MGST1: variants seen among roughly 807,000 people sequenced by gnomAD.
The protein encoded by MGST1 is glutathione S-transferase 12.
A neutral mutation model predicts 8.9 loss-of-function variants in MGST1; 5 were observed. The ratio of observed to expected loss-of-function variants is 0.56; its 90% CI spans 0.29 to 1.19. MGST1 has a LOEUF of 1.19. Ranked by LOEUF, MGST1 falls within the 50% of genes most tolerant of loss-of-function variation. The pLI, the probability that MGST1 is intolerant of heterozygous loss-of-function variation, is 0.08. For synonymous variants in MGST1, 54 were observed against 67.8 expected (o/e 0.80, Z 1.00); for missense variants, 182 against 187.4 (o/e 0.97, Z 0.17).
rs144494455 is a variant in MGST1 at position 16,384,988 on chromosome 12, C to A, written n.778+1384C>A. On this transcript the variant is annotated intron_variant and non_coding_transcript_variant, in intron 1 of 1. Transcript: ENST00000359720. ...GGAGTTGTAGAGTAACGGTAGAGGC[C>A]AAAGAAGGAACAGGAGTTAGGTGGG... Among the ~76,000 whole-genome samples, 247 of 152,214 alleles carry A rather than the reference C, an allele frequency of 1.6e-3. 1 individual carries two copies. Among genetic ancestry groups the A allele is most frequent in the Middle Eastern group, 3.4e-3 (1 of 294 alleles).
intron 3 of MGST1, among the ~76,000 whole-genome samples, chr12:16,359,988 G>A (rs1939911404): frequency 6.6e-6 from 1 of 152,192 alleles, no homozygotes; most frequent in South Asian, 2.1e-4. Flanking sequence ...CGCTAGTCAG[G>A]TTGCAAATGA....
chr12:16,394,513 C>CCTTTCTTTCTTTCCTT (rs1940584626), intron 1 of MGST1, among the ~76,000 whole-genome samples: 2 of 84,396 alleles, frequency 2.4e-5, no homozygotes, highest in African/African-American at 9.6e-5. Context: ...TCTTTCTCTC[C>CCTTTCTTTCTTTCCTT]CTTTCTTTCT....
At chr12:16,359,847 T>C (rs1253819636) in intron 3 of MGST1, among the ~76,000 whole-genome samples, 1 of 152,202 alleles carries the variant, frequency 6.6e-6, no homozygotes, top group Non-Finnish European at 1.5e-5. Flanking sequence ...GTCTCCTGTG[T>C]GAAAGCGTAA....
At chr12:16,400,046 G>A (rs1940641076) in intron 1 of MGST1, 5 of 1,575,530 alleles carry the variant, frequency 3.2e-6, no homozygotes, top group East Asian at 2.2e-5. Flanking sequence ...TCAAATTCCA[G>A]TTCCTCCTTA....
intron 4 of MGST1, among the ~76,000 whole-genome samples, chr12:16,515,706 GC>G (rs1350766455): frequency 6.6e-6 from 1 of 151,934 alleles, no homozygotes; most frequent in Non-Finnish European, 1.5e-5. Flanking sequence ...ACCCTTCTCG[GC>G]AAAGAATAGT....
At chr12:16,432,051 A>G (rs1940943466) in intron 1 of MGST1, among the ~76,000 whole-genome samples, 2 of 152,084 alleles carry the variant, frequency 1.3e-5, no homozygotes, top group Admixed American at 1.3e-4. Flanking sequence ...CTACTACTTG[A>G]TGTGGTCTAT....
At chr12:16,534,724 A>G (rs572298919) in intron 4 of MGST1, among the ~76,000 whole-genome samples, 3 of 152,280 alleles carry the variant, frequency 2.0e-5, no homozygotes, top group Non-Finnish European at 2.9e-5. Context: ...AGATAGTGCT[A>G]GGTTTGGTAG....
rs1942998876 is a variant in MGST1, at chr12:16,576,460, C to A, written n.483-13068C>A. Among the ~76,000 whole-genome samples the A allele has an allele frequency of 6.6e-6, 1 of 152,144 alleles. No homozygotes were observed. Among genetic ancestry groups the A allele is most frequent in the Non-Finnish European group, 1.5e-5 (1 of 68,040 alleles). The stretch of plus-strand genomic sequence containing the variant: ...TGCTGCTTTTTTTTCATATTCAGAT[C>A]AAATGTCAATGGATCTATGAAGCCT... On this transcript the variant is annotated intron_variant and non_coding_transcript_variant, in intron 4 of 4. Transcript: ENST00000538857. The surrounding 1 kb of genome is among the most constrained non-coding windows in gnomAD (Gnocchi z 4.1).
chr12:16,432,684 A>ACG, intron 1 of MGST1, among the ~76,000 whole-genome samples: 1 of 22,572 alleles, frequency 4.4e-5, no homozygotes, highest in South Asian at 1.4e-3. Context: ...TCTCTGACAC[A>ACG]CACACACACA....
intron 1 of MGST1, among the ~76,000 whole-genome samples, chr12:16,425,907 G>T (rs1158777559): frequency 6.6e-6 from 1 of 152,154 alleles, no homozygotes; most frequent in East Asian, 1.9e-4. Context: ...GTTAATTCAT[G>T]CTCGTTTTAT....
chr12:16,420,539 C>A (rs1418944110), intron 1 of MGST1, among the ~76,000 whole-genome samples: 1 of 152,098 alleles, frequency 6.6e-6, no homozygotes, highest in African/African-American at 2.4e-5. Flanking sequence ...AGGATCAACA[C>A]CTGTGATGGA....
In MGST1 at chr12:16,497,379, A is replaced by G. The variant is rs1941477774; in HGVS notation, n.483-92149A>G. ...CAAGCTAGGGAAGCAACAGCAGCAA[A>G]TGGAAAAGGAGCAAAAAGCTCATTA... On this transcript the variant is annotated intron_variant and non_coding_transcript_variant, in intron 4 of 4. Transcript: ENST00000538857. The surrounding 1 kb of genome is among the most constrained non-coding windows in gnomAD (Gnocchi z 4.4). Among the ~76,000 whole-genome samples the G allele has an allele frequency of 2.6e-5, 4 of 152,178 alleles. No individual in the cohort carries two copies. Among genetic ancestry groups the G allele is most frequent in the Non-Finnish European group, 5.9e-5 (4 of 68,022 alleles).
intron 1 of MGST1, among the ~76,000 whole-genome samples, chr12:16,426,767 C>T (rs546809271): frequency 6.6e-6 from 1 of 152,032 alleles, no homozygotes; most frequent in Non-Finnish European, 1.5e-5. Flanking sequence ...CTGGCTAACA[C>T]AGTGAAACCC....
intron 4 of MGST1, among the ~76,000 whole-genome samples, chr12:16,502,745 C>T (rs1941512613): frequency 6.6e-6 from 1 of 152,156 alleles, no homozygotes; most frequent in Non-Finnish European, 1.5e-5. Flanking sequence ...CTTGCTCCTC[C>T]CCCTCCCACA....
chr12:16,526,467 C>T (rs1407697224), intron 4 of MGST1, among the ~76,000 whole-genome samples: 2 of 151,886 alleles, frequency 1.3e-5, no homozygotes, highest in Non-Finnish European at 2.9e-5. Flanking sequence ...TATTATCTCA[C>T]TGAAAGAAAT....
In MGST1 at chr12:16,586,455, C is replaced by T. The variant is rs1384577523; in HGVS notation, n.483-3073C>T. On this transcript the variant is annotated intron_variant and non_coding_transcript_variant, in intron 4 of 4. Coordinates refer to the MGST1 transcript ENST00000538857. This position sits in a 1 kb window ranked among gnomAD's most constrained non-coding sequence, Gnocchi z 4.3. ...CCAACACACAGCTGAGTCACAGAGG[C>T]CCTGGACAATGTGTCTGGACAAATC... Among the ~76,000 whole-genome samples, 1 of 152,166 alleles carries T rather than the reference C, an allele frequency of 6.6e-6. No individual in the cohort carries two copies. Among genetic ancestry groups the T allele is most frequent in the Non-Finnish European group, 1.5e-5 (1 of 68,036 alleles).
intron 1 of MGST1, among the ~76,000 whole-genome samples, chr12:16,393,706 C>T (rs541089254): frequency 2.0e-5 from 3 of 152,278 alleles, no homozygotes; most frequent in South Asian, 2.1e-4. Flanking sequence ...AAGCCTGTTG[C>T]GCTCATTATG....
At position 16,503,720 on chromosome 12, in the gene MGST1, A is replaced by G. The variant is rs1034895216; in HGVS notation, n.483-85808A>G. ...CAACAGTGTGCCGGGTCAGTTTATC[A>G]TTGCCGTGGTAACACCTGGAAGTTA... On this transcript the variant is annotated intron_variant and non_coding_transcript_variant, in intron 4 of 4. Coordinates refer to the MGST1 transcript ENST00000538857. This position sits in a 1 kb window ranked among gnomAD's most constrained non-coding sequence, Gnocchi z 4.8. Among the ~76,000 whole-genome samples, 1 of 152,152 alleles carries G rather than the reference A, an allele frequency of 6.6e-6. No individual in the cohort carries two copies. The highest frequency in any genetic ancestry group is 2.4e-5 in the African/African-American group (1 of 41,426).
intron 4 of MGST1, among the ~76,000 whole-genome samples, chr12:16,465,225 C>T (rs1941245733): frequency 1.3e-5 from 2 of 152,194 alleles, no homozygotes; most frequent in Admixed American, 1.3e-4. Context: ...TCCTTTTGAA[C>T]TCAAAACAGT....
Sources: gnomAD v4.1 joint callset for allele counts (sites outside exome capture counted in the v4.1 genomes callset) on GRCh38, gnomAD v4.1.1 for gene constraint, Gnocchi (gnomAD v3.1) non-coding constraint, MANE v1.5 for transcripts, NCBI Gene and HGNC (gene_info 2026-07-23, HGNC 2026-07-21) for gene names.